Variants in CFAP54 observed in about 807,000 individuals in gnomAD.
CFAP54 encodes the protein cilia- and flagella-associated protein 54.
In CFAP54, 290 loss-of-function variants were observed where a neutral mutation model predicts 370.4. The ratio of observed to expected loss-of-function variants is 0.78; its 90% CI spans 0.71 to 0.86. The LOEUF is 0.86. CFAP54 is among the 40% of genes least tolerant of loss of function. CFAP54 has a pLI of 0.00. For synonymous variants in CFAP54, 1,206 were observed against 1,236.5 expected, an observed-to-expected ratio of 0.98 and a Z score of 0.52; for missense variants, 3,399 against 3,528.7, an observed-to-expected ratio of 0.96 and a Z score of 0.93.
intron 1 of CFAP54, among the ~76,000 whole-genome samples, chr12:96,492,962 T>G (rs1739611999): frequency 6.7e-6 from 1 of 149,536 alleles, no homozygotes. Flanking sequence ...GCCACTGCAC[T>G]CCACCCTGGA....
At chr12:96,598,597 G>A (rs1956204495) in intron 25 of CFAP54, 48 bp from the exon 26 acceptor site, 1 of 560,066 alleles carries the variant, frequency 1.8e-6, no homozygotes, top group South Asian at 2.5e-5. Context: ...AATGAAATGA[G>A]TAAGGATGAC....
intron 66 of CFAP54, among the ~76,000 whole-genome samples, chr12:96,846,779 G>C (rs1282659895): frequency 6.6e-6 from 1 of 152,154 alleles, no homozygotes. Flanking sequence ...GCCAAGGAGG[G>C]AAAGGCACCA....
intron 67 of CFAP54, among the ~76,000 whole-genome samples, chr12:96,864,850 C>T (rs994226794): frequency 6.6e-6 from 1 of 152,090 alleles, no homozygotes; most frequent in Admixed American, 6.5e-5. Flanking sequence ...CATTGTTTTT[C>T]CTAATGCATC....
chr12:96,585,119 C>T (rs866219393), intron 22 of CFAP54, among the ~76,000 whole-genome samples: 31 of 151,468 alleles, frequency 2.0e-4, no homozygotes, highest in South Asian at 4.2e-4. Context: ...TGTTTGACAA[C>T]TGACTTGTGA....
At chr12:96,642,268 C>G (rs1245502250) in intron 32 of CFAP54, among the ~76,000 whole-genome samples, 1 of 152,072 alleles carries the variant, frequency 6.6e-6, no homozygotes, top group Non-Finnish European at 1.5e-5. Flanking sequence ...AGATGTTCAT[C>G]TTGTACACAC....
At chr12:96,659,182 G>A (rs1011294441) in intron 38 of CFAP54, among the ~76,000 whole-genome samples, 1 of 151,566 alleles carries the variant, frequency 6.6e-6, no homozygotes, top group Admixed American at 6.5e-5. Flanking sequence ...TCCCAGAGGT[G>A]GGGGGGTTCT....
intron 40 of CFAP54, among the ~76,000 whole-genome samples, chr12:96,683,791 TTTG>T (rs148631285): frequency 0.016 from 2,416 of 152,170 alleles, 47 homozygotes; most frequent in African/African-American, 0.054. Context: ...ATTGTGTGAT[TTTG>T]TTGTTGTTTT....
chr12:96,855,566 A>G (rs1718057921), intron 66 of CFAP54, among the ~76,000 whole-genome samples: 1 of 152,380 alleles, frequency 6.6e-6, no homozygotes, highest in South Asian at 2.1e-4. Context: ...ATGCAAGTCC[A>G]AAATCCAAAA....
chr12:96,832,591 CATT>C (rs1296273132), intron 66 of CFAP54, among the ~76,000 whole-genome samples: 2 of 152,108 alleles, frequency 1.3e-5, no homozygotes, highest in African/African-American at 2.4e-5. Context: ...TAATCATCAT[CATT>C]ATTATCATCA....
At chr12:96,640,707 G>A (rs1349355343) in intron 32 of CFAP54, among the ~76,000 whole-genome samples, 1 of 152,126 alleles carries the variant, frequency 6.6e-6, no homozygotes, top group East Asian at 1.9e-4. Flanking sequence ...AAAACAGCAT[G>A]GTACTGGTAC....
chr12:96,743,691 G>A (rs1291497180), intron 53 of CFAP54, 40 bp from the exon 54 acceptor site: 27 of 1,552,458 alleles, frequency 1.7e-5, no homozygotes, highest in Non-Finnish European at 2.3e-5. Context: ...TCAGTGAATT[G>A]GAAACAGTAC....
chr12:96,595,596 T>TA (rs1311029323), intron 25 of CFAP54, among the ~76,000 whole-genome samples: 1 of 152,064 alleles, frequency 6.6e-6, no homozygotes, highest in Non-Finnish European at 1.5e-5. Flanking sequence ...TTGAGTAACT[T>TA]AAAAAAGATT....
At position 96,740,082 on chromosome 12, in the gene CFAP54, G is replaced by A. The variant is rs757983616; in HGVS notation, c.7071+21G>A. ...CTTCTGTAAGTATGACTTAATGTCTGTTCTTACAATACTTATCATATAAGA... is the reference window on the plus strand; with the variant it reads ...CTTCTGTAAGTATGACTTAATGTCTATTCTTACAATACTTATCATATAAGA... On this transcript the variant is annotated intron_variant, in intron 51 of 67. Transcript: ENST00000524981. 2.0e-5 allele frequency: 25 copies of A among 1,280,564 alleles called. No individual in the cohort carries two copies. The East Asian group carries it at 3.0e-4, about 15-fold the overall frequency. The allele number at this position is 1,280,564 out of a possible 1,614,324, so 79.3% of individuals were successfully genotyped here.
chr12:96,500,744 G>A (rs1285280031), intron 1 of CFAP54, 90 bp from the exon 2 acceptor site: 2 of 790,026 alleles, frequency 2.5e-6, no homozygotes. Flanking sequence ...AAAGGCTTTA[G>A]CATAAGGTAA....
At chr12:96,661,890 A>G (rs1178307701) in intron 38 of CFAP54, among the ~76,000 whole-genome samples, 3 of 152,260 alleles carry the variant, frequency 2.0e-5, no homozygotes, top group African/African-American at 2.4e-5. Flanking sequence ...AATTTAGCAC[A>G]TCTCAAACAA....
At chr12:96,818,860 C>T (rs563008314) in intron 65 of CFAP54, among the ~76,000 whole-genome samples, 2 of 152,250 alleles carry the variant, frequency 1.3e-5, no homozygotes, top group East Asian at 3.9e-4. Flanking sequence ...AAGTGTCTTG[C>T]CTTCTTTGGG....
intron 32 of CFAP54, among the ~76,000 whole-genome samples, chr12:96,642,338 C>A (rs1592902134): frequency 6.6e-6 from 1 of 152,100 alleles, no homozygotes; most frequent in Non-Finnish European, 1.5e-5. Context: ...TATTTAGAAT[C>A]TAAGTTGTGA....
rs934036554 is a variant in CFAP54 at position 96,866,272 on chromosome 12, A to T, written c.*14+5320A>T. On this transcript the variant is annotated intron_variant, in intron 67 of 67. Transcript: ENST00000524981. ...ATTTTTTGTCATAAGTACAGGCATG[A>T]TTAAGAAGAAGGTTTCAGTGACAGC... 5.9e-5 allele frequency among the ~76,000 whole-genome samples: 9 copies of T among 152,206 alleles called. 1 individual carries two copies. The South Asian group carries it at 1.7e-3, about 28-fold the overall frequency.
At chr12:96,553,249 A>G (rs1955714742) in intron 15 of CFAP54, among the ~76,000 whole-genome samples, 1 of 152,176 alleles carries the variant, frequency 6.6e-6, no homozygotes, top group Non-Finnish European at 1.5e-5. Flanking sequence ...ATTGAGTTAC[A>G]TATACCAGCA....
Sources: allele counts gnomAD v4.1 joint callset (sites outside exome capture counted in the v4.1 genomes callset), GRCh38; gene constraint gnomAD v4.1.1; transcripts MANE v1.5; gene names NCBI Gene and HGNC (gene_info 2026-07-23, HGNC 2026-07-21).